Variants in LCT observed in about 807,000 individuals in gnomAD.
The protein encoded by LCT is lactase/phlorizin hydrolase.
In LCT, 90 loss-of-function variants were observed where a neutral mutation model predicts 173.0. The observed-to-expected ratio is 0.52, with a 90% confidence interval of 0.44 to 0.62. The LOEUF (loss-of-function observed/expected upper bound fraction) is 0.62, where lower values mean the gene tolerates loss of function less well. LCT is among the 20% of genes least tolerant of loss of function. The pLI is 0.00. For synonymous variants in LCT, 853 were observed against 957.6 expected (o/e 0.89, Z 2.02); for missense variants, 1,864 against 2,431.4 (o/e 0.77, Z 4.91).
rs2077716106 is a variant in LCT, at chr2:135,809,644, C to G, written c.2703G>C (p.Gly901=). Reference sequence around the variant, plus strand: ...CCCACAGAAAGTCATCCCGAAACGTCCCGTGGTAGAACAAATCTCTTTCGA... The same window carrying G: ...CCCACAGAAAGTCATCCCGAAACGTGCCGTGGTAGAACAAATCTCTTTCGA... ...PKFERDLFYH[G]TFRDDFLWGV... is the part of the protein sequence containing the mutation. The change falls in exon 8 of 17, where the codon GGG becomes GGC. Residue 901 remains glycine, a synonymous_variant. Transcript: ENST00000264162. The surrounding 1 kb of genome is among the most constrained non-coding windows in gnomAD (Gnocchi z 5.5). 1 of 1,614,236 alleles carries G rather than the reference C, an allele frequency of 6.2e-7. No homozygotes were observed. Among genetic ancestry groups the G allele is most frequent in the Non-Finnish European group, 8.5e-7 (1 of 1,180,046 alleles).
chr2:135,824,405 G>A (rs983875724), intron 3 of LCT, among the ~76,000 whole-genome samples: 2 of 152,232 alleles, frequency 1.3e-5, no homozygotes, highest in Non-Finnish European at 1.5e-5. Context: ...GCTGGGTGTG[G>A]TGGTGCATGC....
At chr2:135,835,223 G>C (rs2077976294) in intron 1 of LCT, among the ~76,000 whole-genome samples, 1 of 151,878 alleles carries the variant, frequency 6.6e-6, no homozygotes, top group East Asian at 1.9e-4. Flanking sequence ...AAAGACCATT[G>C]AAAGTTATGC....
chr2:135,823,751 T>TA, intron 4 of LCT, 150 bp downstream of exon 4: 1 of 704,452 alleles, frequency 1.4e-6, no homozygotes. Flanking sequence ...TAGGAAGGCA[T>TA]AGTACACTAA....
chr2:135,794,290 A>T (rs1251060040), intron 14 of LCT: 2 of 215,662 alleles, frequency 9.3e-6, no homozygotes, highest in Non-Finnish European at 1.9e-5. Flanking sequence ...AATTTTGATA[A>T]AACCTAAACA....
chr2:135,789,976 G>A (rs1007678341), intron 15 of LCT, among the ~76,000 whole-genome samples, 178 bp from the exon 16 acceptor site: 6 of 152,190 alleles, frequency 3.9e-5, no homozygotes, highest in Admixed American at 1.3e-4. Flanking sequence ...GACTGTTAGC[G>A]GGTCCTCTGT....
intron 3 of LCT, among the ~76,000 whole-genome samples, chr2:135,829,115 C>T (rs1473201261): frequency 2.0e-5 from 3 of 151,908 alleles, no homozygotes; most frequent in Non-Finnish European, 2.9e-5. Flanking sequence ...CGCTTGAACC[C>T]GGGAGGTGGA....
intron 6 of LCT, among the ~76,000 whole-genome samples, chr2:135,815,844 C>G (rs962621713): frequency 6.6e-6 from 1 of 152,088 alleles, no homozygotes; most frequent in East Asian, 1.9e-4. Context: ...GGATTACAGG[C>G]ACCCACCAAC....
chr2:135,793,243 A>C (rs1170584406), intron 14 of LCT, among the ~76,000 whole-genome samples: 1 of 152,224 alleles, frequency 6.6e-6, no homozygotes, highest in African/African-American at 2.4e-5. Context: ...CCTGCACTGG[A>C]GCAGGTGCTG....
chr2:135,829,225 A>G (rs2077912932), intron 3 of LCT, among the ~76,000 whole-genome samples: 1 of 152,086 alleles, frequency 6.6e-6, no homozygotes, highest in Non-Finnish European at 1.5e-5. Context: ...CATTAAATGT[A>G]TAGTTCAGTG....
chr2:135,803,910 G>A lies in LCT; in HGVS notation c.4663+20C>T. On this transcript the variant is annotated intron_variant, in intron 11 of 16. Transcript: ENST00000264162. ...GAATGCCATGATTCAAAGAGCCTAT[G>A]AGCCAGGGCTGGGACTTACCTGGAG... 1 of 1,607,312 alleles carries A rather than the reference G, an allele frequency of 6.2e-7. No homozygotes were observed. Among genetic ancestry groups the A allele is most frequent in the Non-Finnish European group, 8.5e-7 (1 of 1,175,084 alleles).
intron 1 of LCT, 25 bp from the exon 2 acceptor site, chr2:135,833,215 A>T: frequency 1.9e-6 from 3 of 1,576,944 alleles, no homozygotes; most frequent in Non-Finnish European, 2.6e-6. Flanking sequence ...AGACACGAAC[A>T]GCAGGTGAGC....
At chr2:135,796,722 G>A (rs976777218) in intron 13 of LCT, among the ~76,000 whole-genome samples, 2 of 152,182 alleles carry the variant, frequency 1.3e-5, no homozygotes, top group African/African-American at 4.8e-5. Context: ...TGATCTGTCA[G>A]CAGCTTGAGG....
At chr2:135,811,253 A>G (rs2077732300) in intron 7 of LCT, among the ~76,000 whole-genome samples, 2 of 152,112 alleles carry the variant, frequency 1.3e-5, no homozygotes, top group South Asian at 4.1e-4. Flanking sequence ...ATTCCCTGAT[A>G]CAGTGCATTG....
chr2:135,789,211 G>A (rs1281440024), intron 16 of LCT, among the ~76,000 whole-genome samples: 1 of 152,226 alleles, frequency 6.6e-6, no homozygotes, highest in South Asian at 2.1e-4. Context: ...GCACCCACAT[G>A]GTGCAGGCAT....
rs1372433604 is a variant in LCT, at chr2:135,790,746, C to T, written c.5247G>A (p.Glu1749=). The stretch of plus-strand genomic sequence containing the variant: ...TTTCTTCCCGCTGGGACACTCCATT[C>T]TCTGTGACATAAATTGGAGGGTCAT... ...EYNDPPIYVT[E]NGVSQREETD... Residue 1749 remains glutamate, a synonymous_variant, in exon 15 of 17, where the codon GAG becomes GAA. Coordinates refer to ENST00000264162, the MANE Select transcript of LCT (RefSeq NM_002299.4). The surrounding 1 kb of genome is among the most constrained non-coding windows in gnomAD (Gnocchi z 4.1). The T allele has an allele frequency of 1.2e-6, 2 of 1,613,718 alleles. No homozygotes were observed. The highest frequency in any genetic ancestry group is 1.7e-6 in the Non-Finnish European group (2 of 1,179,764).
At position 135,821,835 on chromosome 2, in the gene LCT, G is replaced by A. The variant is rs558435761; in HGVS notation, c.986+185C>T. 30 of 597,212 alleles carry A rather than the reference G, an allele frequency of 5.0e-5. 2 individuals carry two copies. The highest frequency in any genetic ancestry group is 1.4e-4 in the South Asian group (7 of 51,104). The allele number at this position is 597,212 out of a possible 1,614,324, so 37.0% of individuals were successfully genotyped here. A position where few individuals can be genotyped will look rare whatever the true frequency, so the allele number is the denominator to read the frequency against. On this transcript the variant is annotated intron_variant, in intron 5 of 16. Transcript: ENST00000264162. Reference sequence around the variant, plus strand: ...CAGATGAGAAAGCAGAACCTCGTGAGTCCCACTCAGTAAGAGACTCCCTAC... The same window carrying A: ...CAGATGAGAAAGCAGAACCTCGTGAATCCCACTCAGTAAGAGACTCCCTAC...
In LCT at chr2:135,800,775, A is replaced by C. The variant is rs779786670; in HGVS notation, c.4698T>G (p.Ile1566Met). Residue 1566 changes from isoleucine to methionine, a missense_variant, in exon 12 of 17, where the codon ATT becomes ATG. Physicochemically the swap from Ile to Met is conservative, Grantham distance 10. Coordinates refer to ENST00000264162, the MANE Select transcript of LCT (RefSeq NM_002299.4). ...GAGCCTTTATTAGATTGTGGCCAAC[A>C]ATGTAGGGGGCAGTGCCAGGCCTAT... ...VSNRPGTAPY[I>M]VGHNLIKAHA... 6.2e-7 allele frequency: 1 copy of C among 1,614,124 alleles called. No homozygotes were observed. The highest frequency in any genetic ancestry group is 1.7e-5 in the Admixed American group (1 of 60,020).
chr2:135,809,023 G>C lies in LCT; in HGVS notation c.3324C>G (p.Tyr1108Ter). 6.2e-7 allele frequency: 1 copy of C among 1,611,626 alleles called. No homozygotes were observed. ...IKAHARVYHTYDEKYRQEQKG... is the reference protein window; with the variant it reads ...IKAHARVYHT Reference sequence around the variant, plus strand: ...TCTGCTCCTGCCTGTATTTCTCATCGTACGTGTGATAGACTCTGGCATGGG... The same window carrying C: ...TCTGCTCCTGCCTGTATTTCTCATCCTACGTGTGATAGACTCTGGCATGGG... The change falls in exon 8 of 17, where the codon TAC (tyrosine) becomes TAG (stop). Residue 1108 changes from tyrosine (Y) to a stop codon, truncating the protein, a stop_gained. Coordinates refer to ENST00000264162, the MANE Select transcript of LCT (RefSeq NM_002299.4). LOFTEE classifies it high-confidence loss of function. The surrounding 1 kb of genome is among the most constrained non-coding windows in gnomAD (Gnocchi z 5.5).
At position 135,809,717 on chromosome 2, in the gene LCT, G is replaced by A; in HGVS notation, c.2630C>T (p.Pro877Leu). The change falls in exon 8 of 17, where the codon CCC (proline) becomes CTC (leucine). Residue 877 changes from proline to leucine, a missense_variant. Pro to Leu is a moderately conservative substitution (Grantham distance 98, BLOSUM62 -3). This residue lies in a region of LCT where 755 missense variants were observed against 926.3 expected (regional missense o/e 0.82). Coordinates refer to ENST00000264162, the MANE Select transcript of LCT (RefSeq NM_002299.4). The surrounding 1 kb of genome is among the most constrained non-coding windows in gnomAD (Gnocchi z 5.5). Reference protein sequence around the residue: ...VRAFTFPSEVPSKAKVVWEKF... With the variant: ...VRAFTFPSEVLSKAKVVWEKF... ...TTCCCAAACGACTTTAGCCTTGGAGGGCACCTCAGATGGAAAAGTGAAGGC... is the reference window on the plus strand; with the variant it reads ...TTCCCAAACGACTTTAGCCTTGGAGAGCACCTCAGATGGAAAAGTGAAGGC... 1 of 1,614,232 alleles carries A rather than the reference G, an allele frequency of 6.2e-7. No homozygotes were observed. The highest frequency in any genetic ancestry group is 8.5e-7 in the Non-Finnish European group (1 of 1,180,044).
Sources: gnomAD v4.1 joint callset for allele counts (sites outside exome capture counted in the v4.1 genomes callset) on GRCh38, gnomAD v4.1.1 for gene constraint, gnomAD v4.1.1 regional missense constraint, Gnocchi (gnomAD v3.1) non-coding constraint, MANE v1.5 for transcripts, NCBI Gene and HGNC (gene_info 2026-07-23, HGNC 2026-07-21) for gene names.